Variants in VAPA observed in about 807,000 individuals in gnomAD.
The protein encoded by VAPA is VAMP associated protein A.
A neutral mutation model predicts 25.6 loss-of-function variants in VAPA; 6 were observed. The ratio of observed to expected loss-of-function variants is 0.23; its 90% CI spans 0.13 to 0.46. The LOEUF (loss-of-function observed/expected upper bound fraction) is 0.46. VAPA is among the 20% of genes least tolerant of loss of function. VAPA has a pLI of 0.99. For synonymous variants in VAPA, 112 were observed against 106.2 expected (o/e 1.05, Z -0.34); for missense variants, 244 against 302.1 (o/e 0.81, Z 1.43).
chr18:9,940,483 C>T (rs2069355817), intron 4 of VAPA, among the ~76,000 whole-genome samples: 1 of 152,056 alleles, frequency 6.6e-6, no homozygotes, highest in Non-Finnish European at 1.5e-5. Flanking sequence ...AGAGTGGAGG[C>T]CCATTTTTCA....
At chr18:9,935,873 A>AT (rs1408239286) in intron 2 of VAPA, among the ~76,000 whole-genome samples, 1 of 152,204 alleles carries the variant, frequency 6.6e-6, no homozygotes, top group African/African-American at 2.4e-5. Context: ...AAGACAGACA[A>AT]TTTAAAAATA....
intron 1 of VAPA, among the ~76,000 whole-genome samples, chr18:9,926,201 T>C (rs1319283247): frequency 6.6e-6 from 1 of 152,158 alleles, no homozygotes; most frequent in African/African-American, 2.4e-5. Context: ...AGTATTAATA[T>C]ATGTTTTGTA....
intron 1 of VAPA, among the ~76,000 whole-genome samples, chr18:9,922,655 A>T (rs920137323): frequency 6.6e-6 from 1 of 152,088 alleles, no homozygotes; most frequent in African/African-American, 2.4e-5. Context: ...CTTCAAGGTC[A>T]TATGGACTGG....
chr18:9,925,243 CTGAT>C (rs1431057515), intron 1 of VAPA, among the ~76,000 whole-genome samples: 8 of 151,920 alleles, frequency 5.3e-5, no homozygotes, highest in Admixed American at 3.3e-4. Context: ...TATGGATAAA[CTGAT>C]TGTATAATAT....
intron 5 of VAPA, 105 bp downstream of exon 5, chr18:9,950,673 GTTCT>G (rs1219873343): frequency 2.4e-6 from 3 of 1,267,402 alleles, no homozygotes; most frequent in South Asian, 1.5e-5. Context: ...TGCTTGGTCA[GTTCT>G]TTCTTCTTTG....
At chr18:9,944,630 A>G (rs144516185) in intron 4 of VAPA, among the ~76,000 whole-genome samples, 5 of 152,246 alleles carry the variant, frequency 3.3e-5, no homozygotes, top group African/African-American at 4.8e-5. Flanking sequence ...GATGGTATTC[A>G]TTTTAAAACA....
intron 2 of VAPA, among the ~76,000 whole-genome samples, chr18:9,935,329 C>A (rs769874695): frequency 2.0e-5 from 3 of 151,894 alleles, no homozygotes; most frequent in African/African-American, 4.8e-5. Context: ...CCTAGCACTT[C>A]GGGAGGCTGA....
chr18:9,946,475 ATT>A (rs35584230), intron 4 of VAPA, among the ~76,000 whole-genome samples: 1 of 146,532 alleles, frequency 6.8e-6, no homozygotes, highest in African/African-American at 2.5e-5. Flanking sequence ...TTTTTGTGTG[ATT>A]TTTTTTTTTT....
rs1380754391 is a variant in VAPA, at chr18:9,959,675, T to C, written c.*5464T>C. The C allele has an allele frequency of 8.2e-6, 1 of 122,284 alleles. No individual in the cohort carries two copies. Among genetic ancestry groups the C allele is most frequent in the Non-Finnish European group, 1.6e-5 (1 of 63,708 alleles). The allele number at this position is 122,284 out of a possible 1,614,324, so 7.6% of individuals were successfully genotyped here. A position where few individuals can be genotyped will look rare whatever the true frequency, so the allele number is the denominator to read the frequency against. On this transcript the variant is annotated 3_prime_UTR_variant, in exon 6 of 6. Transcript: ENST00000400000. ...ACTTAAGAACCCTGAGGAAAAATAA[T>C]ACAATGTGTGTGTGTGAGAGAGAGA...
chr18:9,938,981 T>A (rs982464160), intron 4 of VAPA, among the ~76,000 whole-genome samples: 1 of 152,204 alleles, frequency 6.6e-6, no homozygotes, highest in African/African-American at 2.4e-5. Context: ...TTTCAATGTG[T>A]ATTTTTCAAA....
At chr18:9,949,231 G>A (rs2069460607) in intron 4 of VAPA, 1 of 152,186 alleles carries the variant, frequency 6.6e-6, no homozygotes, top group Non-Finnish European at 1.5e-5. Context: ...TCAGAGAATT[G>A]AAGTAGGCTG....
At chr18:9,946,404 T>C (rs1241018306) in intron 4 of VAPA, among the ~76,000 whole-genome samples, 2 of 152,126 alleles carry the variant, frequency 1.3e-5, no homozygotes, top group African/African-American at 2.4e-5. Flanking sequence ...ACGTGGCCCA[T>C]GATGGCTTTG....
chr18:9,920,205 T>C (rs1256736809), intron 1 of VAPA, among the ~76,000 whole-genome samples: 1 of 152,194 alleles, frequency 6.6e-6, no homozygotes, highest in Non-Finnish European at 1.5e-5. Flanking sequence ...GTTAAATGGG[T>C]GTGTTACTTA....
At position 9,914,326 on chromosome 18, in the gene VAPA, A is replaced by T; in HGVS notation, c.70A>T (p.Lys24Ter). 1 of 1,582,050 alleles carries T rather than the reference A, an allele frequency of 6.3e-7. No individual in the cohort carries two copies. The change falls in exon 1 of 6, where the codon AAA (lysine) becomes TAA (stop). Residue 24 changes from lysine to a stop codon, truncating the protein, a stop_gained. Transcript: ENST00000400000. LOFTEE classifies it high-confidence loss of function. ...ILVLDPPTDL[K>*]FKGPFTDVVT... Reference sequence around the variant, plus strand: ...GGTCCTCGATCCGCCCACAGACCTCAAATTCAAAGGTAGGCAGAACGGGGA... The same window carrying T: ...GGTCCTCGATCCGCCCACAGACCTCTAATTCAAAGGTAGGCAGAACGGGGA...
At chr18:9,931,727 G>C in intron 1 of VAPA, 83 bp from the exon 2 acceptor site, 1 of 1,194,224 alleles carries the variant, frequency 8.4e-7, no homozygotes, top group Non-Finnish European at 1.2e-6. Flanking sequence ...TTAAAATTGA[G>C]GTTATATATT....
intron 1 of VAPA, among the ~76,000 whole-genome samples, chr18:9,923,009 T>C (rs2069170011): frequency 6.6e-6 from 1 of 152,254 alleles, no homozygotes; most frequent in South Asian, 2.1e-4. Flanking sequence ...TATTTCACTT[T>C]GTAATTGTTA....
intron 5 of VAPA, chr18:9,950,878 G>C: frequency 3.5e-6 from 1 of 288,702 alleles, no homozygotes; most frequent in Non-Finnish European, 6.6e-6. Flanking sequence ...GCCTAGGATT[G>C]TGTTGTCCCA....
intron 2 of VAPA, among the ~76,000 whole-genome samples, chr18:9,932,314 G>A (rs2069263799): frequency 6.6e-6 from 1 of 152,098 alleles, no homozygotes. Context: ...ATTACACATT[G>A]CATGCAGCTA....
chr18:9,925,485 T>C (rs976250476), intron 1 of VAPA, among the ~76,000 whole-genome samples: 7 of 152,094 alleles, frequency 4.6e-5, no homozygotes, highest in African/African-American at 1.2e-4. Context: ...TCATTTTTTT[T>C]CCCAGAAAGT....
Sources: gnomAD v4.1 joint callset for allele counts (sites outside exome capture counted in the v4.1 genomes callset) on GRCh38, gnomAD v4.1.1 for gene constraint, MANE v1.5 for transcripts, NCBI Gene and HGNC (gene_info 2026-07-23, HGNC 2026-07-21) for gene names.